Variants in NRXN3 observed in about 807,000 individuals in gnomAD.
NRXN3 encodes the protein neurexin III.
In NRXN3, 32 loss-of-function variants were observed where a neutral mutation model predicts 137.6. The observed-to-expected ratio is 0.23, with a 90% CI of 0.18 to 0.31. The LOEUF (loss-of-function observed/expected upper bound fraction) is 0.31. Among genes scored for constraint, NRXN3 ranks in the 10% least tolerant of loss-of-function variants. The pLI, the probability that NRXN3 is intolerant of heterozygous loss-of-function variation, is 1.00. For missense variants in NRXN3, 1,574 were observed against 2,062.5 expected, an observed-to-expected ratio of 0.76 and a Z score of 4.59; for synonymous variants, 798 against 784.5, an observed-to-expected ratio of 1.02 and a Z score of -0.29.
intron 15 of NRXN3, among the ~76,000 whole-genome samples, chr14:79,445,233 G>A (rs1393900966): frequency 1.3e-5 from 2 of 151,800 alleles, no homozygotes; most frequent in South Asian, 4.2e-4. Flanking sequence ...CCAGCTACTC[G>A]GGAGGCTGAG....
intron 15 of NRXN3, among the ~76,000 whole-genome samples, chr14:79,354,273 C>T (rs530236615): frequency 6.6e-6 from 1 of 152,206 alleles, no homozygotes; most frequent in Non-Finnish European, 1.5e-5. Flanking sequence ...ACCTAAAATA[C>T]ACTAGTAAAC....
At chr14:78,364,763 C>T (rs544790389) in intron 4 of NRXN3, among the ~76,000 whole-genome samples, 1 of 152,260 alleles carries the variant, frequency 6.6e-6, no homozygotes, top group South Asian at 2.1e-4. Flanking sequence ...GTGTCTTATA[C>T]AAACTCCCAA....
chr14:78,856,384 A>G (rs890159381), intron 10 of NRXN3, among the ~76,000 whole-genome samples: 2 of 152,212 alleles, frequency 1.3e-5, no homozygotes, highest in Non-Finnish European at 2.9e-5. Flanking sequence ...GTATATTCAA[A>G]ATATAACTCC....
chr14:79,554,088 A>C (rs914507082), intron 16 of NRXN3, among the ~76,000 whole-genome samples: 2 of 152,154 alleles, frequency 1.3e-5, no homozygotes, highest in African/African-American at 4.8e-5. Context: ...TGTTGGGAAA[A>C]GGGTGGTCGG....
Position 78,714,766 on chromosome 14 carries a change from A to C in NRXN3, c.1671A>C (p.Ser557=). Residue 557 remains serine, a synonymous_variant, in exon 8 of 21, where the codon TCA becomes TCC. Transcript: ENST00000335750. ...IQRDGRSGTI[S]VNSRRTPFTA... ...GTCTTCCCACCCCAGGTACTATATC[A>C]GTGAACAGCAGGCGCACGCCATTCA... 12 of 1,613,670 alleles carry C rather than the reference A, an allele frequency of 7.4e-6. No homozygotes were observed. Among genetic ancestry groups the C allele is most frequent in the Non-Finnish European group, 1.0e-5 (12 of 1,179,688 alleles).
intron 3 of NRXN3, among the ~76,000 whole-genome samples, chr14:78,296,820 T>C: frequency 6.6e-6 from 1 of 151,726 alleles, no homozygotes; most frequent in East Asian, 1.9e-4. Flanking sequence ...ATTTCCATAC[T>C]TTTTTTTTCC....
At chr14:78,659,714 CA>C (rs202186566) in intron 6 of NRXN3, among the ~76,000 whole-genome samples, 39,290 of 104,730 alleles carry the variant, frequency 0.38, 5,114 homozygotes, top group East Asian at 0.51. Flanking sequence ...TGTGTGAGGA[CA>C]AAAAAAAAAA....
At chr14:78,229,326 T>C (rs2065075544) in intron 1 of NRXN3, among the ~76,000 whole-genome samples, 2 of 151,998 alleles carry the variant, frequency 1.3e-5, no homozygotes, top group Admixed American at 6.6e-5. Context: ...AGGAAAGCCC[T>C]GTTATAATGG....
chr14:78,187,781 G>GTT (rs58649555), intron 1 of NRXN3, among the ~76,000 whole-genome samples: 16,920 of 133,556 alleles, frequency 0.13, 1,244 homozygotes, highest in East Asian at 0.19. Context: ...GATTTTAGTT[G>GTT]TTTTTTTTTT....
intron 16 of NRXN3, among the ~76,000 whole-genome samples, chr14:79,626,608 G>A (rs1484247144): frequency 6.6e-6 from 1 of 152,074 alleles, no homozygotes; most frequent in Non-Finnish European, 1.5e-5. Context: ...TTTCAGTGTT[G>A]AAGAGAATGA....
intron 10 of NRXN3, among the ~76,000 whole-genome samples, chr14:78,878,083 G>T (rs1488931155): frequency 6.6e-6 from 1 of 151,924 alleles, no homozygotes; most frequent in African/African-American, 2.4e-5. Context: ...ATTAAATTTG[G>T]CTACTGAGAG....
intron 7 of NRXN3, chr14:78,710,000 T>C (rs12147836): frequency 0.062 from 15,451 of 250,880 alleles, 581 homozygotes; most frequent in Middle Eastern, 0.13. Context: ...TTGCTTCTCT[T>C]TTTCCTCATC....
chr14:79,711,439 T>C (rs867055599), intron 19 of NRXN3, among the ~76,000 whole-genome samples: 2 of 151,938 alleles, frequency 1.3e-5, no homozygotes, highest in South Asian at 2.1e-4. Context: ...ACATAGTTTA[T>C]TTTTAGTGTA....
rs143463513 is a variant in NRXN3, at chr14:79,730,545, C to G, written c.4014+32608C>G. On this transcript the variant is annotated intron_variant, in intron 19 of 20. Transcript: ENST00000335750. ...ATCAAGTCTGGCATTTCAATTTTCT[C>G]TATAAGATGAATTGTGGAAAGAAGT... Among the ~76,000 whole-genome samples, 3 of 152,114 alleles carry G rather than the reference C, an allele frequency of 2.0e-5. No homozygotes were observed. In the East Asian group the frequency reaches 5.8e-4, roughly 29 times the overall value.
At chr14:78,229,103 G>C (rs1306446006) in intron 1 of NRXN3, among the ~76,000 whole-genome samples, 1 of 152,132 alleles carries the variant, frequency 6.6e-6, no homozygotes, top group African/African-American at 2.4e-5. Context: ...AAATGTTGAG[G>C]TTGGTATAGG....
At chr14:78,952,213 A>G (rs887059956) in intron 10 of NRXN3, among the ~76,000 whole-genome samples, 2 of 149,578 alleles carry the variant, frequency 1.3e-5, no homozygotes, top group African/African-American at 5.1e-5. Flanking sequence ...CGGGCTCTAA[A>G]AATAATTATG....
At chr14:79,530,586 G>GTT (rs1302919001) in intron 16 of NRXN3, among the ~76,000 whole-genome samples, 55 of 134,884 alleles carry the variant, frequency 4.1e-4, no homozygotes, top group African/African-American at 1.6e-3. Flanking sequence ...AGAAAAAGAG[G>GTT]TTTTTTGTTT....
At chr14:79,809,887 G>A (rs745891658) in intron 20 of NRXN3, among the ~76,000 whole-genome samples, 1 of 152,138 alleles carries the variant, frequency 6.6e-6, no homozygotes, top group Non-Finnish European at 1.5e-5. Flanking sequence ...CTAGGAAAAG[G>A]ATACCCTCAT....
Position 79,774,756 on chromosome 14 carries a change from A to G in NRXN3, c.4015-30356A>G, listed in dbSNP as rs750034580. Among the ~76,000 whole-genome samples the G allele has an allele frequency of 4.1e-4, 63 of 152,158 alleles. 1 individual carries two copies. Among genetic ancestry groups the G allele is most frequent in the Admixed American group, 3.3e-4 (5 of 15,264 alleles). ...ATATTATTTTCTATTTATCAACTGCATTCAGGCAGTGCTAAGTAGATGACT... is the reference window on the plus strand; with the variant it reads ...ATATTATTTTCTATTTATCAACTGCGTTCAGGCAGTGCTAAGTAGATGACT... On this transcript the variant is annotated intron_variant, in intron 19 of 20. Transcript: ENST00000335750.
Sources: gnomAD v4.1 joint callset for allele counts (sites outside exome capture counted in the v4.1 genomes callset) on GRCh38, gnomAD v4.1.1 for gene constraint, MANE v1.5 for transcripts, NCBI Gene and HGNC (gene_info 2026-07-23, HGNC 2026-07-21) for gene names.